The following GUCY1A2 variants were observed in gnomAD, a reference collection of about 807,000 sequenced individuals.
GUCY1A2 encodes the protein guanylate cyclase soluble subunit alpha-2.
A neutral mutation model predicts 63.5 loss-of-function variants in GUCY1A2; 27 were observed. The observed-to-expected ratio is 0.43, with a 90% CI of 0.31 to 0.59. The LOEUF (loss-of-function observed/expected upper bound fraction) is 0.59, where lower values mean the gene tolerates loss of function less well. Ranked by LOEUF, GUCY1A2 falls within the 20% of genes least tolerant of loss-of-function variation. The pLI, the probability that GUCY1A2 is intolerant of heterozygous loss-of-function variation, is 0.11. For missense variants in GUCY1A2, 768 were observed against 913.3 expected (o/e 0.84, Z 2.05); for synonymous variants, 364 against 343.5 (o/e 1.06, Z -0.66).
chr11:106,920,382 CTT>C lies in GUCY1A2; in HGVS notation c.1206+19076_1206+19077del, dbSNP rs1275872602. Among the ~76,000 whole-genome samples the C allele has an allele frequency of 3.9e-5, 6 of 152,206 alleles. 1 individual carries two copies. Among genetic ancestry groups the C allele is most frequent in the African/African-American group, 1.4e-4 (6 of 41,536 alleles). On this transcript the variant is annotated intron_variant, in intron 4 of 7. Transcript: ENST00000526355. ...ATTTATATTACATATCGATTATACT[CTT>C]TTGTCTGTATAAAATATTACTTAGT...
At chr11:106,846,592 C>T (rs968576876) in intron 4 of GUCY1A2, among the ~76,000 whole-genome samples, 2 of 151,628 alleles carry the variant, frequency 1.3e-5, no homozygotes, top group East Asian at 1.9e-4. Flanking sequence ...TGACACAATA[C>T]GGAGATCTTC....
intron 6 of GUCY1A2, among the ~76,000 whole-genome samples, chr11:106,715,311 G>A (rs1398188380): frequency 6.6e-6 from 1 of 152,056 alleles, no homozygotes; most frequent in Non-Finnish European, 1.5e-5. Flanking sequence ...GGATTAGGAG[G>A]GCGGCACAGA....
intron 6 of GUCY1A2, 57 bp from the exon 7 acceptor site, chr11:106,708,723 A>T: frequency 8.2e-7 from 1 of 1,223,620 alleles, no homozygotes; most frequent in Non-Finnish European, 1.1e-6. Flanking sequence ...GTATGCAATT[A>T]TTTTAATGAA....
chr11:106,697,752 T>C (rs1056988949), intron 7 of GUCY1A2, among the ~76,000 whole-genome samples: 1 of 152,200 alleles, frequency 6.6e-6, no homozygotes, highest in African/African-American at 2.4e-5. Context: ...TGAATAAATA[T>C]GGCTTTCCAA....
intron 6 of GUCY1A2, among the ~76,000 whole-genome samples, chr11:106,745,609 T>C (rs978002467): frequency 6.6e-6 from 1 of 152,204 alleles, no homozygotes; most frequent in African/African-American, 2.4e-5. Context: ...TAAAGAATAT[T>C]TCCTTCTTAA....
At chr11:106,875,162 T>A (rs1055096252) in intron 4 of GUCY1A2, among the ~76,000 whole-genome samples, 3 of 152,140 alleles carry the variant, frequency 2.0e-5, no homozygotes, top group Non-Finnish European at 4.4e-5. Context: ...TATAACAGTA[T>A]CATATTTGAA....
chr11:106,967,397 T>TA (rs1356888219), intron 3 of GUCY1A2, among the ~76,000 whole-genome samples: 2 of 151,862 alleles, frequency 1.3e-5, no homozygotes, highest in Non-Finnish European at 2.9e-5. Flanking sequence ...AGCTCTCAAG[T>TA]AAAAAAATCT....
intron 4 of GUCY1A2, among the ~76,000 whole-genome samples, chr11:106,853,796 G>A (rs529885622): frequency 1.7e-4 from 26 of 152,218 alleles, no homozygotes; most frequent in African/African-American, 4.8e-4. Flanking sequence ...GGCTTTAGTC[G>A]GGAAAGATTT....
chr11:106,941,148 G>C (rs1182390204), intron 3 of GUCY1A2, among the ~76,000 whole-genome samples: 1 of 152,112 alleles, frequency 6.6e-6, no homozygotes, highest in African/African-American at 2.4e-5. Context: ...ACAAAAGTAA[G>C]GGCAGCCAAG....
intron 4 of GUCY1A2, among the ~76,000 whole-genome samples, chr11:106,867,294 G>T (rs532158643): frequency 1.9e-4 from 29 of 152,166 alleles, no homozygotes; most frequent in Admixed American, 5.3e-4. Context: ...TTATCAGCCT[G>T]CTGTCACAAT....
Position 106,683,139 on chromosome 11 carries a change from T to C in GUCY1A2, c.*4410A>G, listed in dbSNP as rs1438421019. On this transcript the variant is annotated 3_prime_UTR_variant, in exon 8 of 8. Transcript: ENST00000526355. ...GCTGCCCATAAATCGTTTAGAAATA[T>C]GTTAAACTTCAATAATTCAGTCTCA... 1.4e-5 allele frequency: 3 copies of C among 215,836 alleles called. No homozygotes were observed. The East Asian group carries it at 2.1e-4, about 15-fold the overall frequency. The allele number at this position is 215,836 out of a possible 1,614,324, so 13.4% of individuals were successfully genotyped here. A position where few individuals can be genotyped will look rare whatever the true frequency, so the allele number is the denominator to read the frequency against.
intron 6 of GUCY1A2, among the ~76,000 whole-genome samples, chr11:106,750,186 A>C (rs957612382): frequency 6.6e-6 from 1 of 152,134 alleles, no homozygotes; most frequent in South Asian, 2.1e-4. Context: ...GGAGTCTGGT[A>C]TCTATGGGCA....
At chr11:106,832,630 T>C (rs963453344) in intron 4 of GUCY1A2, among the ~76,000 whole-genome samples, 12 of 152,108 alleles carry the variant, frequency 7.9e-5, no homozygotes, top group Non-Finnish European at 1.6e-4. Context: ...GCATGTGTTA[T>C]ATGACACCCT....
chr11:106,965,527 A>AT (rs1274941972), intron 3 of GUCY1A2, among the ~76,000 whole-genome samples: 1 of 152,176 alleles, frequency 6.6e-6, no homozygotes, highest in Non-Finnish European at 1.5e-5. Flanking sequence ...TGATTTGTGG[A>AT]TTTTACTTCC....
intron 4 of GUCY1A2, among the ~76,000 whole-genome samples, chr11:106,932,963 G>A (rs1232174018): frequency 6.6e-6 from 1 of 152,010 alleles, no homozygotes; most frequent in Admixed American, 6.6e-5. Context: ...ATACAAAAAT[G>A]AACTCAAGAT....
At chr11:106,895,789 G>A (rs552983479) in intron 4 of GUCY1A2, among the ~76,000 whole-genome samples, 13 of 152,002 alleles carry the variant, frequency 8.6e-5, no homozygotes, top group East Asian at 1.9e-4. Flanking sequence ...ACCAGACAAA[G>A]ACATTACAAG....
In GUCY1A2 at chr11:106,679,564, G is replaced by GAAC. The variant is rs1167120274; in HGVS notation, c.*7982_*7984dup. The GAAC allele has an allele frequency of 2.5e-5, 5 of 203,974 alleles. No homozygotes were observed. The East Asian group carries it at 3.8e-4, about 15-fold the overall frequency. The allele number at this position is 203,974 out of a possible 1,614,324, so 12.6% of individuals were successfully genotyped here. A position where few individuals can be genotyped will look rare whatever the true frequency, so the allele number is the denominator to read the frequency against. ...GGAATATGTAATTTATTTAATGTCAGAACAACAACAAATGTTTTTAAATGA... is the reference window on the plus strand; with the variant it reads ...GGAATATGTAATTTATTTAATGTCAGAACAACAACAACAAATGTTTTTAAATGA... On this transcript the variant is annotated 3_prime_UTR_variant, in exon 8 of 8. Transcript: ENST00000526355.
chr11:106,862,234 C>T (rs1025708946), intron 4 of GUCY1A2, among the ~76,000 whole-genome samples: 4 of 151,930 alleles, frequency 2.6e-5, no homozygotes, highest in Non-Finnish European at 5.9e-5. Flanking sequence ...GTATCTATTA[C>T]TCACTGACCT....
intron 3 of GUCY1A2, among the ~76,000 whole-genome samples, chr11:106,944,849 C>T (rs1016686042): frequency 3.9e-5 from 6 of 152,094 alleles, no homozygotes; most frequent in Admixed American, 3.9e-4. Flanking sequence ...CCTTTCAAAT[C>T]ACAAAGCACA....
Sources: allele counts gnomAD v4.1 joint callset (sites outside exome capture counted in the v4.1 genomes callset), GRCh38; gene constraint gnomAD v4.1.1; transcripts MANE v1.5; gene names NCBI Gene and HGNC (gene_info 2026-07-23, HGNC 2026-07-21).